ARHGAP22: variants seen among roughly 807,000 people sequenced by gnomAD.
ARHGAP22 encodes Rho GTPase activating protein 22, also known as rho GTPase-activating protein 22.
In ARHGAP22, 48 loss-of-function variants were observed where a neutral mutation model predicts 59.1. The ratio of observed to expected loss-of-function variants is 0.81; its 90% CI spans 0.64 to 1.03. The LOEUF (loss-of-function observed/expected upper bound fraction) is 1.03. Ranked by LOEUF, ARHGAP22 falls within the 50% of genes least tolerant of loss-of-function variation. ARHGAP22 has a pLI of 0.00. For missense variants in ARHGAP22, 1,015 were observed against 958.7 expected, an observed-to-expected ratio of 1.06 and a Z score of -0.78; for synonymous variants, 445 against 416.4, an observed-to-expected ratio of 1.07 and a Z score of -0.84.
intron 3 of ARHGAP22, chr10:48,546,710 G>T (rs1213967873): frequency 1.3e-5 from 2 of 156,356 alleles, no homozygotes; most frequent in East Asian, 3.8e-4. Context: ...TTGGCCAAGG[G>T]AAATCCTGAA....
At chr10:48,551,788 T>C (rs1186766651) in intron 3 of ARHGAP22, among the ~76,000 whole-genome samples, 2 of 152,240 alleles carry the variant, frequency 1.3e-5, no homozygotes, top group Non-Finnish European at 2.9e-5. Context: ...CAGGTGCTTT[T>C]GGAACCAGAG....
intron 3 of ARHGAP22, chr10:48,523,929 G>A: frequency 1.4e-6 from 1 of 720,018 alleles, no homozygotes; most frequent in Non-Finnish European, 1.9e-6. Flanking sequence ...CCGCACCTGA[G>A]CCCTTTCCAA....
At chr10:48,436,323 A>G in the ARHGAP22 span, 1 of 152,242 alleles carries the variant, frequency 6.6e-6, no homozygotes, top group Non-Finnish European at 1.5e-5. Context: ...AGTGTTAAGA[A>G]TGGTGCTGCT....
intron 3 of ARHGAP22, among the ~76,000 whole-genome samples, chr10:48,528,163 T>C (rs759698066): frequency 3.3e-5 from 5 of 152,178 alleles, no homozygotes; most frequent in Non-Finnish European, 5.9e-5. Context: ...GTCCCAGATA[T>C]GCCCCAGGTC....
chr10:48,442,584 C>T (rs1381177504), downstream of ARHGAP22, among the ~76,000 whole-genome samples: 1 of 152,080 alleles, frequency 6.6e-6, no homozygotes, highest in African/African-American at 2.4e-5. Context: ...CCAATGAACC[C>T]ACGTGCTGAC....
intron 3 of ARHGAP22, among the ~76,000 whole-genome samples, chr10:48,497,500 G>A (rs141403738): frequency 1.3e-5 from 2 of 152,360 alleles, no homozygotes; most frequent in East Asian, 3.9e-4. Context: ...GAGGGAAGAG[G>A]ATGTTGAAGA....
the ARHGAP22 span, chr10:48,435,229 A>G: frequency 2.2e-6 from 1 of 451,530 alleles, no homozygotes; most frequent in Non-Finnish European, 3.9e-6. Flanking sequence ...CAGCAACAAA[A>G]CTGTATTGTA....
At chr10:48,617,635 C>T (rs2136008712) in intron 1 of ARHGAP22, among the ~76,000 whole-genome samples, 1 of 151,962 alleles carries the variant, frequency 6.6e-6, no homozygotes, top group African/African-American at 2.4e-5. Flanking sequence ...AAAAAACTTT[C>T]TTGTAACAAA....
At chr10:48,620,770 AC>A (rs2061257924) in intron 1 of ARHGAP22, among the ~76,000 whole-genome samples, 1 of 152,138 alleles carries the variant, frequency 6.6e-6, no homozygotes, top group Non-Finnish European at 1.5e-5. Context: ...GTAGGGAGCC[AC>A]CCCTCTGCCC....
At chr10:48,646,984 A>G (rs1245421669) in intron 1 of ARHGAP22, among the ~76,000 whole-genome samples, 1 of 152,250 alleles carries the variant, frequency 6.6e-6, no homozygotes, top group Non-Finnish European at 1.5e-5. Context: ...TAGGCAAATT[A>G]TATATCTGAT....
At chr10:48,429,862 AAC>A in the ARHGAP22 span, 4 of 152,244 alleles carry the variant, frequency 2.6e-5, no homozygotes, top group Admixed American at 6.5e-5. Flanking sequence ...TTCAGGAATT[AAC>A]ACAGACTCCT....
chr10:48,525,826 T>C (rs962640862), intron 3 of ARHGAP22, among the ~76,000 whole-genome samples: 8 of 152,146 alleles, frequency 5.3e-5, no homozygotes, highest in Non-Finnish European at 1.2e-4. Context: ...TTTGGGGAGA[T>C]GGTGGAAGAA....
intron 9 of ARHGAP22, among the ~76,000 whole-genome samples, chr10:48,449,087 C>A (rs2045641442): frequency 6.6e-6 from 1 of 152,226 alleles, no homozygotes; most frequent in Non-Finnish European, 1.5e-5. Flanking sequence ...CAGCACACAA[C>A]TGGCGCAGCT....
intron 3 of ARHGAP22, among the ~76,000 whole-genome samples, chr10:48,554,267 C>G (rs2057130781): frequency 1.3e-5 from 2 of 152,224 alleles, no homozygotes; most frequent in Admixed American, 1.3e-4. Flanking sequence ...CTATCCCAGG[C>G]AGGATCTTCT....
chr10:48,494,420 C>G (rs1395512020), intron 3 of ARHGAP22, among the ~76,000 whole-genome samples: 1 of 152,180 alleles, frequency 6.6e-6, no homozygotes, highest in East Asian at 1.9e-4. Context: ...GCTCACACCT[C>G]AGGCAGCCCT....
chr10:48,590,767 C>G (rs1427819544), intron 1 of ARHGAP22, among the ~76,000 whole-genome samples: 2 of 151,810 alleles, frequency 1.3e-5, no homozygotes, highest in African/African-American at 4.8e-5. Flanking sequence ...GCCTGGCCGT[C>G]CTGGGGACTC....
intron 1 of ARHGAP22, among the ~76,000 whole-genome samples, chr10:48,592,031 G>T (rs1020050687): frequency 6.6e-6 from 1 of 152,020 alleles, no homozygotes; most frequent in Non-Finnish European, 1.5e-5. Flanking sequence ...AAACCTGAGT[G>T]CCCGTTAGTA....
chr10:48,435,181 C>A, the ARHGAP22 span: 1 of 566,026 alleles, frequency 1.8e-6, no homozygotes, highest in Admixed American at 3.7e-5. Context: ...TTTTTAATTT[C>A]AAGTGATGTA....
chr10:48,472,123 C>T (rs538554035), intron 4 of ARHGAP22, among the ~76,000 whole-genome samples: 39 of 152,022 alleles, frequency 2.6e-4, no homozygotes, highest in African/African-American at 8.4e-4. Flanking sequence ...AGGAGAATCG[C>T]TTGAACCCGG....
Sources: allele counts gnomAD v4.1 joint callset (sites outside exome capture counted in the v4.1 genomes callset), GRCh38; gene constraint gnomAD v4.1.1; transcripts MANE v1.5; gene names NCBI Gene and HGNC (gene_info 2026-07-23, HGNC 2026-07-21).